Variants in DNAH7 observed in about 807,000 individuals in gnomAD.
DNAH7 encodes the protein axonemal beta dynein heavy chain 7.
In DNAH7, 397 loss-of-function variants were observed where a neutral mutation model predicts 444.6. The ratio of observed to expected loss-of-function variants is 0.89; its 90% CI spans 0.82 to 0.97. DNAH7 has a LOEUF of 0.97. DNAH7 is among the 50% of genes least tolerant of loss of function. DNAH7 has a pLI of 0.00. For missense variants in DNAH7, 4,902 were observed against 4,800.8 expected, an observed-to-expected ratio of 1.02 and a Z score of -0.62; for synonymous variants, 1,636 against 1,624.4, an observed-to-expected ratio of 1.01 and a Z score of -0.17.
intron 21 of DNAH7, among the ~76,000 whole-genome samples, chr2:195,927,521 A>AATT (rs1559233400): frequency 2.9e-4 from 43 of 149,162 alleles, no homozygotes; most frequent in East Asian, 3.9e-4. Context: ...ATAAATAAAT[A>AATT]AATAAATTAA....
chr2:195,740,440 T>TA (rs1692930218), intron 64 of DNAH7, among the ~76,000 whole-genome samples: 1 of 152,100 alleles, frequency 6.6e-6, no homozygotes, highest in African/African-American at 2.4e-5. Flanking sequence ...AAAGGTTATT[T>TA]ACTGATCAGC....
At chr2:195,749,953 G>A (rs1693693085) in intron 63 of DNAH7, among the ~76,000 whole-genome samples, 1 of 151,474 alleles carries the variant, frequency 6.6e-6, no homozygotes, top group Admixed American at 6.6e-5. Flanking sequence ...TGCACATTGT[G>A]CACATGTACT....
intron 5 of DNAH7, among the ~76,000 whole-genome samples, chr2:196,038,233 T>TA (rs1244068569): frequency 1.3e-5 from 2 of 152,022 alleles, no homozygotes; most frequent in African/African-American, 4.8e-5. Flanking sequence ...TCACCACCAC[T>TA]AAACAGGTCC....
intron 58 of DNAH7, among the ~76,000 whole-genome samples, chr2:195,784,830 T>C (rs371943553): frequency 2.0e-5 from 3 of 152,302 alleles, no homozygotes; most frequent in South Asian, 4.1e-4. Context: ...ATTTCTCTGA[T>C]GACATATAAT....
intron 46 of DNAH7, among the ~76,000 whole-genome samples, chr2:195,849,996 A>G (rs1426624058): frequency 1.3e-5 from 2 of 152,194 alleles, no homozygotes; most frequent in South Asian, 2.1e-4. Context: ...TCTAGCTTGA[A>G]GCTGGAGTAG....
At chr2:195,995,393 A>C in intron 12 of DNAH7, 1 of 499,632 alleles carries the variant, frequency 2.0e-6, no homozygotes, top group Admixed American at 2.1e-5. Context: ...CAAGGGATGT[A>C]TCATATGGCG....
intron 36 of DNAH7, among the ~76,000 whole-genome samples, chr2:195,879,241 C>T (rs139614315): frequency 2.6e-5 from 4 of 152,144 alleles, no homozygotes; most frequent in Non-Finnish European, 5.9e-5. Context: ...TGCAGCGACA[C>T]GCTGAGTCTA....
At chr2:195,880,060 G>A (rs1559177504) in intron 36 of DNAH7, among the ~76,000 whole-genome samples, 1 of 151,932 alleles carries the variant, frequency 6.6e-6, no homozygotes, top group Non-Finnish European at 1.5e-5. Flanking sequence ...AAATAGACAT[G>A]CAATAATTTG....
intron 1 of DNAH7, among the ~76,000 whole-genome samples, chr2:196,060,303 A>C (rs922199911): frequency 2.0e-5 from 3 of 152,226 alleles, no homozygotes; most frequent in Non-Finnish European, 2.9e-5. Context: ...AGTATTCAAA[A>C]TATCTACTTG....
At chr2:196,018,014 C>T (rs560019588) in intron 9 of DNAH7, among the ~76,000 whole-genome samples, 187 of 152,046 alleles carry the variant, frequency 1.2e-3, no homozygotes, top group African/African-American at 4.4e-3. Flanking sequence ...AATTATAAAC[C>T]TAAGTTTTAG....
At chr2:196,056,242 C>T (rs1241143885) in intron 2 of DNAH7, among the ~76,000 whole-genome samples, 4 of 151,826 alleles carry the variant, frequency 2.6e-5, no homozygotes, top group African/African-American at 7.3e-5. Flanking sequence ...GTCAGGGGTT[C>T]GAGACCAGCC....
chr2:196,009,479 G>A (rs1694596836), intron 10 of DNAH7, among the ~76,000 whole-genome samples: 1 of 152,154 alleles, frequency 6.6e-6, no homozygotes, highest in Non-Finnish European at 1.5e-5. Context: ...ACTTGGCCTA[G>A]TAATGGTTCA....
intron 7 of DNAH7, among the ~76,000 whole-genome samples, chr2:196,026,270 C>A (rs1461836860): frequency 6.6e-6 from 1 of 152,134 alleles, no homozygotes; most frequent in Non-Finnish European, 1.5e-5. Flanking sequence ...GTTTGTCAAC[C>A]TTTGGTCTAC....
chr2:195,886,268 A>C lies in DNAH7; in HGVS notation c.5411T>G (p.Leu1804Ter). ...VEFIRKHTKE[L>*]SPTSDTNLVR... ...CAAGTTTGTATCGGAAGTAGGAGAT[A>C]ATTCCTGAAAAGTCAGTAAGAAAAA... Residue 1804 changes from leucine to a stop codon, truncating the protein, a stop_gained, in exon 34 of 65, where the codon TTA becomes TGA. Transcript: ENST00000312428. LOFTEE classifies it high-confidence loss of function. 6.2e-7 allele frequency: 1 copy of C among 1,610,616 alleles called. No homozygotes were observed. Among genetic ancestry groups the C allele is most frequent in the Non-Finnish European group, 8.5e-7 (1 of 1,178,884 alleles).
chr2:195,852,907 CACACACACAGAGAGAGAGAG>C (rs1168503790), intron 46 of DNAH7, among the ~76,000 whole-genome samples: 1 of 126,182 alleles, frequency 7.9e-6, no homozygotes, highest in Non-Finnish European at 1.7e-5. Context: ...CACACACACA[CACACACACAGAGAGAGAGAG>C]AGAGAGAGAG....
At chr2:195,825,660 T>C (rs1009052492) in intron 48 of DNAH7, among the ~76,000 whole-genome samples, 3 of 152,234 alleles carry the variant, frequency 2.0e-5, no homozygotes, top group African/African-American at 7.2e-5. Flanking sequence ...GTGACATTGT[T>C]AAGGCTATTG....
At chr2:195,868,860 GA>G (rs987493964) in intron 40 of DNAH7, among the ~76,000 whole-genome samples, 7 of 148,776 alleles carry the variant, frequency 4.7e-5, no homozygotes, top group African/African-American at 1.7e-4. Flanking sequence ...ACCATTTAGT[GA>G]AATTATATAA....
intron 54 of DNAH7, among the ~76,000 whole-genome samples, chr2:195,800,770 G>GA (rs1309595555): frequency 7.9e-5 from 12 of 151,732 alleles, no homozygotes; most frequent in African/African-American, 2.4e-4. Context: ...TATTTTCCTG[G>GA]AAAAAAATCA....
intron 51 of DNAH7, among the ~76,000 whole-genome samples, chr2:195,811,791 G>C (rs1385812444): frequency 6.6e-6 from 1 of 152,180 alleles, no homozygotes; most frequent in African/African-American, 2.4e-5. Context: ...AAAAAACTGT[G>C]TGCGTAATTA....
Sources: gnomAD v4.1 joint callset for allele counts (sites outside exome capture counted in the v4.1 genomes callset) on GRCh38, gnomAD v4.1.1 for gene constraint, MANE v1.5 for transcripts, NCBI Gene and HGNC (gene_info 2026-07-23, HGNC 2026-07-21) for gene names.